The following NCOR1 variants were observed in gnomAD, a reference collection of about 807,000 sequenced individuals.
The protein encoded by NCOR1 is protein phosphatase 1, regulatory subunit 109.
A neutral mutation model predicts 288.1 loss-of-function variants in NCOR1; 63 were observed. That is an observed-to-expected ratio of 0.22 (90% CI 0.18 to 0.27). NCOR1 has a LOEUF of 0.27. Ranked by LOEUF, NCOR1 falls within the 10% of genes least tolerant of loss-of-function variation. The pLI, the probability that NCOR1 is intolerant of heterozygous loss-of-function variation, is 1.00. For missense variants in NCOR1, 2,397 were observed against 3,019.2 expected, an observed-to-expected ratio of 0.79 and a Z score of 4.83; for synonymous variants, 1,007 against 1,065.9, an observed-to-expected ratio of 0.94 and a Z score of 1.08.
chr17:16,127,657 A>G (rs1176865065), intron 14 of NCOR1, among the ~76,000 whole-genome samples: 2 of 147,672 alleles, frequency 1.4e-5, no homozygotes, highest in Non-Finnish European at 3.0e-5. Flanking sequence ...ATGTGTATAT[A>G]TACATATATG....
At chr17:16,178,259 G>GGAGGCT (rs1397589363) in intron 3 of NCOR1, among the ~76,000 whole-genome samples, 1 of 151,440 alleles carries the variant, frequency 6.6e-6, no homozygotes, top group Non-Finnish European at 1.5e-5. Context: ...CAGCACTTTG[G>GGAGGCT]GAGGCTGAGG....
intron 40 of NCOR1, among the ~76,000 whole-genome samples, chr17:16,051,928 A>C (rs772718303): frequency 2.6e-5 from 4 of 152,120 alleles, no homozygotes; most frequent in Non-Finnish European, 5.9e-5. Context: ...TAAATAAATA[A>C]ATAAAATAAA....
chr17:16,202,080 G>A (rs146405133), intron 1 of NCOR1, among the ~76,000 whole-genome samples: 2,199 of 151,884 alleles, frequency 0.014, 55 homozygotes, highest in African/African-American at 0.05. Context: ...AAAAATTAGC[G>A]GGGCGTAGTG....
rs2152615457 is a variant in NCOR1 at position 16,061,803 on chromosome 17, C to T, written c.5479G>A (p.Ala1827Thr). 1 of 1,614,210 alleles carries T rather than the reference C, an allele frequency of 6.2e-7. No individual in the cohort carries two copies. Among genetic ancestry groups the T allele is most frequent in the Non-Finnish European group, 8.5e-7 (1 of 1,180,040 alleles). Residue 1827 changes from alanine (A) to threonine (T), a missense_variant, in exon 37 of 46, where the codon GCT (alanine) becomes ACT (threonine). Around this residue, in one of 11 missense-constraint regions of NCOR1, gnomAD observed 1,872 missense variants for 2,187.8 expected, o/e 0.86. Coordinates refer to ENST00000268712, the MANE Select transcript of NCOR1 (RefSeq NM_006311.4). Reference protein sequence around the residue: ...AADALAALVDAAASAPQMDVS... With the variant: ...AADALAALVDTAASAPQMDVS... ...TCCATCTGGGGTGCAGAAGCTGCAG[C>T]ATCCACAAGAGCAGCCAGGGCATCC... is the stretch of plus-strand genomic sequence containing the variant.
At chr17:16,073,234 T>C (rs977139809) in intron 28 of NCOR1, among the ~76,000 whole-genome samples, 195 bp downstream of exon 28, 4 of 152,220 alleles carry the variant, frequency 2.6e-5, no homozygotes, top group African/African-American at 9.6e-5. Context: ...CATTGTTATG[T>C]GCCACTTTAT....
At chr17:16,199,216 A>AAAAAAC (rs1337668798) in intron 1 of NCOR1, among the ~76,000 whole-genome samples, 4,009 of 122,008 alleles carry the variant, frequency 0.033, 88 homozygotes, top group Middle Eastern at 0.046. Flanking sequence ...AAAAAAAAAA[A>AAAAAAC]ACACACACAC....
At chr17:16,111,348 T>C (rs2070120814) in intron 18 of NCOR1, among the ~76,000 whole-genome samples, 1 of 152,102 alleles carries the variant, frequency 6.6e-6, no homozygotes, top group Non-Finnish European at 1.5e-5. Flanking sequence ...AGACCTGTAA[T>C]CCCAGCACAC....
intron 15 of NCOR1, 113 bp from the exon 16 acceptor site, chr17:16,121,382 T>C: frequency 1.3e-6 from 1 of 793,134 alleles, no homozygotes; most frequent in Non-Finnish European, 1.8e-6. Flanking sequence ...ACCTAATCTC[T>C]CACTCAAAAA....
At chr17:16,137,834 C>T (rs948485574) in intron 13 of NCOR1, 33 of 267,094 alleles carry the variant, frequency 1.2e-4, no homozygotes, top group African/African-American at 6.4e-4. Flanking sequence ...ATCTCTGCAT[C>T]GTTCCAATTT....
Position 16,031,884 on chromosome 17 carries a change from C to T in NCOR1, c.*412G>A. The T allele has an allele frequency of 8.5e-6, 2 of 235,608 alleles. No individual in the cohort carries two copies. The highest frequency in any genetic ancestry group is 1.2e-4 in the East Asian group (2 of 16,458). The allele number at this position is 235,608 out of a possible 1,614,324, so 14.6% of individuals were successfully genotyped here. Reference sequence around the variant, plus strand: ...TAGACAAAAAGATTTTTAAAAATCACCCCCAAAGTTGATGCGCTGATTTGA... The same window carrying T: ...TAGACAAAAAGATTTTTAAAAATCATCCCCAAAGTTGATGCGCTGATTTGA... On this transcript the variant is annotated 3_prime_UTR_variant, in exon 46 of 46. Transcript: ENST00000268712.
intron 3 of NCOR1, among the ~76,000 whole-genome samples, chr17:16,183,136 G>A (rs1034735239): frequency 2.0e-5 from 3 of 150,098 alleles, no homozygotes; most frequent in African/African-American, 4.9e-5. Flanking sequence ...GGTAAGGATC[G>A]GATCCTTTTC....
intron 4 of NCOR1, among the ~76,000 whole-genome samples, chr17:16,170,495 C>A (rs186619807): frequency 2.3e-3 from 353 of 152,246 alleles, no homozygotes; most frequent in South Asian, 5.2e-3. Context: ...AAGTGTCAGG[C>A]ACTTCCTAAT....
chr17:16,065,931 C>G, intron 32 of NCOR1: 1 of 518,886 alleles, frequency 1.9e-6, no homozygotes, highest in South Asian at 2.3e-5. Context: ...AAAAACTTCT[C>G]AAGTAGTTTT....
intron 9 of NCOR1, among the ~76,000 whole-genome samples, chr17:16,146,907 A>C (rs535925630): frequency 1.3e-5 from 2 of 152,364 alleles, no homozygotes; most frequent in Admixed American, 6.5e-5. Flanking sequence ...ACATGTAAAT[A>C]GTTCATAATC....
chr17:16,145,218 T>C (rs1044702232), intron 10 of NCOR1, among the ~76,000 whole-genome samples: 28 of 152,362 alleles, frequency 1.8e-4, no homozygotes, highest in Admixed American at 1.8e-3. Flanking sequence ...TTGCCCAGGC[T>C]GCAGTGCAGT....
intron 14 of NCOR1, among the ~76,000 whole-genome samples, chr17:16,132,573 G>A (rs949903820): frequency 4.6e-5 from 7 of 152,090 alleles, no homozygotes; most frequent in Non-Finnish European, 1.0e-4. Context: ...AAAATGGGTT[G>A]GGGTAGTCTC....
chr17:16,176,282 T>C (rs2153480732), intron 3 of NCOR1, among the ~76,000 whole-genome samples: 1 of 152,328 alleles, frequency 6.6e-6, no homozygotes, highest in South Asian at 2.1e-4. Flanking sequence ...TGCTTTGTTT[T>C]GTTTGAAACA....
At chr17:16,151,859 A>G in intron 8 of NCOR1, 87 bp downstream of exon 8, 1 of 1,047,930 alleles carries the variant, frequency 9.5e-7, no homozygotes, top group Non-Finnish European at 1.5e-6. Flanking sequence ...ACAATATATT[A>G]TAATAATGTC....
chr17:16,035,202 A>G (rs796732782), intron 44 of NCOR1, among the ~76,000 whole-genome samples: 6 of 152,330 alleles, frequency 3.9e-5, no homozygotes, highest in African/African-American at 1.4e-4. Context: ...CGGTTGCCAA[A>G]GGCTGGGATG....
Sources: gnomAD v4.1 joint callset for allele counts (sites outside exome capture counted in the v4.1 genomes callset) on GRCh38, gnomAD v4.1.1 for gene constraint, gnomAD v4.1.1 regional missense constraint, MANE v1.5 for transcripts, NCBI Gene and HGNC (gene_info 2026-07-23, HGNC 2026-07-21) for gene names.